The following DSCAM variants were observed in gnomAD, a reference collection of about 807,000 sequenced individuals.
The protein encoded by DSCAM is cell adhesion molecule DSCAM.
In DSCAM, 47 loss-of-function variants were observed where a neutral mutation model predicts 217.7. That is an observed-to-expected ratio of 0.22 (90% confidence interval 0.17 to 0.28). DSCAM has a LOEUF of 0.28. DSCAM is among the 10% of genes least tolerant of loss of function. The pLI is 1.00. For synonymous variants in DSCAM, 1,056 were observed against 1,015.3 expected (o/e 1.04, Z -0.76); for missense variants, 2,080 against 2,618.3 (o/e 0.79, Z 4.49).
At chr21:40,529,207 T>C (rs2076424280) in intron 3 of DSCAM, among the ~76,000 whole-genome samples, 1 of 152,088 alleles carries the variant, frequency 6.6e-6, no homozygotes, top group African/African-American at 2.4e-5. Flanking sequence ...AGGCTTTCCA[T>C]TTTTAGCCCC....
At chr21:40,805,334 C>T (rs2091776232) in intron 1 of DSCAM, among the ~76,000 whole-genome samples, 2 of 152,194 alleles carry the variant, frequency 1.3e-5, no homozygotes, top group Admixed American at 1.3e-4. Flanking sequence ...TTCATTCCCC[C>T]TCCATCCTGC....
chr21:40,254,480 T>C (rs1041035272), intron 11 of DSCAM, among the ~76,000 whole-genome samples: 2 of 152,176 alleles, frequency 1.3e-5, no homozygotes, highest in African/African-American at 4.8e-5. Context: ...CAGTTGGCAA[T>C]ACGAATGCAT....
At chr21:40,475,381 T>G (rs1286325105) in intron 3 of DSCAM, among the ~76,000 whole-genome samples, 1 of 152,218 alleles carries the variant, frequency 6.6e-6, no homozygotes, top group East Asian at 1.9e-4. Flanking sequence ...TCACAGGATG[T>G]GGCAGGGAGG....
intron 1 of DSCAM, among the ~76,000 whole-genome samples, chr21:40,723,157 G>A (rs1401426430): frequency 4.0e-5 from 6 of 150,808 alleles, no homozygotes; most frequent in Admixed American, 4.0e-4. Flanking sequence ...TGAGATGTAG[G>A]TTGCATTCTT....
intron 1 of DSCAM, among the ~76,000 whole-genome samples, chr21:40,733,235 A>G (rs969429302): frequency 6.6e-6 from 1 of 152,198 alleles, no homozygotes; most frequent in Admixed American, 6.5e-5. Flanking sequence ...GGAGGTATGA[A>G]CCAGGAGCTT....
At chr21:40,360,121 GTCTTTT>G (rs1404658005) in intron 4 of DSCAM, among the ~76,000 whole-genome samples, 1,228 of 82,556 alleles carry the variant, frequency 0.015, 183 homozygotes, top group African/African-American at 0.059. Flanking sequence ...TTCATAGGTA[GTCTTTT>G]TTTTTTTTTT....
chr21:40,547,849 G>C (rs934474480), intron 3 of DSCAM, among the ~76,000 whole-genome samples: 3 of 152,180 alleles, frequency 2.0e-5, no homozygotes, highest in African/African-American at 4.8e-5. Context: ...GAATGTCCTT[G>C]CTGAGAAAGG....
At chr21:40,095,851 G>C (rs988510188) in intron 20 of DSCAM, among the ~76,000 whole-genome samples, 1 of 152,116 alleles carries the variant, frequency 6.6e-6, no homozygotes, top group Non-Finnish European at 1.5e-5. Flanking sequence ...AACTGTATAT[G>C]TTCAAAAATT....
At chr21:40,376,425 T>C (rs552993218) in intron 3 of DSCAM, among the ~76,000 whole-genome samples, 84 of 142,462 alleles carry the variant, frequency 5.9e-4, no homozygotes, top group African/African-American at 2.0e-3. Context: ...ATATCTTATA[T>C]AGATATCTAT....
At chr21:40,017,756 T>G (rs2088189334) in intron 32 of DSCAM, among the ~76,000 whole-genome samples, 1 of 152,184 alleles carries the variant, frequency 6.6e-6, no homozygotes, top group South Asian at 2.1e-4. Flanking sequence ...TTCTCCATGT[T>G]GGTCAGGCTG....
intron 3 of DSCAM, among the ~76,000 whole-genome samples, chr21:40,670,241 G>A (rs2090256174): frequency 6.6e-6 from 1 of 152,110 alleles, no homozygotes; most frequent in Non-Finnish European, 1.5e-5. Flanking sequence ...TGTTAACTCG[G>A]TACTTATTAA....
At chr21:40,174,499 A>G (rs1460794528) in intron 15 of DSCAM, among the ~76,000 whole-genome samples, 3 of 151,942 alleles carry the variant, frequency 2.0e-5, no homozygotes, top group Admixed American at 6.5e-5. Flanking sequence ...CTCAGATAGT[A>G]CAAATTTTGG....
intron 8 of DSCAM, among the ~76,000 whole-genome samples, chr21:40,313,807 A>G (rs2074166951): frequency 6.6e-6 from 1 of 152,188 alleles, no homozygotes; most frequent in Non-Finnish European, 1.5e-5. Context: ...ATTTGTATGC[A>G]GGGGCTTGGA....
intron 32 of DSCAM, among the ~76,000 whole-genome samples, chr21:40,017,370 A>G (rs1271963964): frequency 1.3e-5 from 2 of 152,134 alleles, no homozygotes; most frequent in Admixed American, 1.3e-4. Context: ...GGATATCTTT[A>G]TTCTACTAAG....
chr21:40,624,225 A>G (rs2089566578), intron 3 of DSCAM, among the ~76,000 whole-genome samples: 1 of 152,162 alleles, frequency 6.6e-6, no homozygotes, highest in Non-Finnish European at 1.5e-5. Flanking sequence ...CAAACTCATC[A>G]TTGCCTGTAT....
At chr21:40,404,910 G>A (rs1395879981) in intron 3 of DSCAM, among the ~76,000 whole-genome samples, 1 of 152,172 alleles carries the variant, frequency 6.6e-6, no homozygotes, top group African/African-American at 2.4e-5. Context: ...CCCAGTAACA[G>A]ACCTAGGCAA....
At chr21:40,090,313 C>A (rs548164913) in intron 21 of DSCAM, among the ~76,000 whole-genome samples, 1 of 152,266 alleles carries the variant, frequency 6.6e-6, no homozygotes, top group African/African-American at 2.4e-5. Context: ...CTCCCTCCCC[C>A]TCCCAGCTTC....
At chr21:40,038,039 C>T (rs567462799) in intron 32 of DSCAM, among the ~76,000 whole-genome samples, 5,945 of 148,972 alleles carry the variant, frequency 0.04, 364 homozygotes, top group African/African-American at 0.13. Context: ...AAGACTTAAA[C>T]GTTAGACCTA....
At chr21:40,441,979 G>A (rs1053318584) in intron 3 of DSCAM, among the ~76,000 whole-genome samples, 1 of 151,900 alleles carries the variant, frequency 6.6e-6, no homozygotes, top group Non-Finnish European at 1.5e-5. Flanking sequence ...AAATCCACTT[G>A]TTTGTTTACT....
Sources: allele counts gnomAD v4.1 joint callset (sites outside exome capture counted in the v4.1 genomes callset), GRCh38; gene constraint gnomAD v4.1.1; transcripts MANE v1.5; gene names NCBI Gene and HGNC (gene_info 2026-07-23, HGNC 2026-07-21).